Variants in ANKRD44 observed in about 807,000 individuals in gnomAD.
ANKRD44 encodes serine/threonine-protein phosphatase 6 regulatory ankyrin repeat subunit B.
Under a neutral mutation model 116.0 loss-of-function variants are expected in ANKRD44, and 35 were observed. The observed-to-expected ratio is 0.30, with a 90% CI of 0.23 to 0.40. The LOEUF is 0.40. Ranked by LOEUF, ANKRD44 falls within the 10% of genes least tolerant of loss-of-function variation. The probability of loss-of-function intolerance (pLI) is 1.00; values close to 1 mark genes in which losing one functional copy is unlikely to be tolerated. For synonymous variants in ANKRD44, 435 were observed against 461.8 expected, an observed-to-expected ratio of 0.94 and a Z score of 0.74; for missense variants, 1,014 against 1,242.6, an observed-to-expected ratio of 0.82 and a Z score of 2.77.
At chr2:197,087,079 G>A (rs753678086) in intron 12 of ANKRD44, among the ~76,000 whole-genome samples, 35 of 152,004 alleles carry the variant, frequency 2.3e-4, no homozygotes, top group Non-Finnish European at 2.9e-4. Flanking sequence ...TTCCAAAACC[G>A]TCAAGAGTTT....
Position 197,139,846 on chromosome 2 carries a change from TTTTGTG to T in ANKRD44, c.191-3190_191-3185del, listed in dbSNP as rs1482047934. 2.0e-4 allele frequency among the ~76,000 whole-genome samples: 23 copies of T among 117,044 alleles called. No homozygotes were observed. The Admixed American group carries it at 2.3e-3, about 12-fold the overall frequency. The allele number at this position is 117,044 out of a possible 152,430, so 76.8% of individuals were successfully genotyped here. ...AATGGGGGAGGGGGGACTAAGCTGC[TTTTGTG>T]TGTGTGTGTGTGTGTGTGTGTGTGT... is the stretch of plus-strand genomic sequence containing the variant. On this transcript the variant is annotated intron_variant, in intron 3 of 27. Transcript: ENST00000282272.
chr2:197,107,837 C>T (rs1559068497), intron 9 of ANKRD44, among the ~76,000 whole-genome samples: 2 of 152,118 alleles, frequency 1.3e-5, no homozygotes, highest in Non-Finnish European at 1.5e-5. Context: ...CAGCAACAGC[C>T]CAAGATTCTT....
intron 15 of ANKRD44, among the ~76,000 whole-genome samples, chr2:197,079,989 C>G (rs947608300): frequency 6.6e-6 from 1 of 152,164 alleles, no homozygotes; most frequent in Non-Finnish European, 1.5e-5. Context: ...CTATTATTCT[C>G]TCTTCGGTCA....
intron 1 of ANKRD44, among the ~76,000 whole-genome samples, chr2:197,239,222 C>A (rs1013087283): frequency 2.0e-5 from 3 of 152,142 alleles, no homozygotes; most frequent in Non-Finnish European, 4.4e-5. Context: ...AAAGGCATAA[C>A]TGGCCAAAAG....
chr2:197,058,659 A>G (rs1247042934), intron 16 of ANKRD44, among the ~76,000 whole-genome samples: 1 of 152,196 alleles, frequency 6.6e-6, no homozygotes, highest in Non-Finnish European at 1.5e-5. Flanking sequence ...AATCACTACT[A>G]CAAGTCTGTA....
chr2:197,065,212 A>C (rs1333851270), intron 16 of ANKRD44, among the ~76,000 whole-genome samples: 3 of 152,248 alleles, frequency 2.0e-5, no homozygotes, highest in African/African-American at 7.2e-5. Context: ...TACTGGGTAC[A>C]TAACGAAATG....
At chr2:197,137,854 C>T (rs1309324760) in intron 3 of ANKRD44, among the ~76,000 whole-genome samples, 3 of 152,122 alleles carry the variant, frequency 2.0e-5, no homozygotes, top group Non-Finnish European at 2.9e-5. Context: ...CCACTAACAC[C>T]AGCTTGCCTG....
chr2:197,194,744 A>G (rs549156493), intron 1 of ANKRD44, among the ~76,000 whole-genome samples: 1 of 152,330 alleles, frequency 6.6e-6, no homozygotes, highest in African/African-American at 2.4e-5. Flanking sequence ...ATAGATAGAT[A>G]GATAGATATA....
intron 1 of ANKRD44, among the ~76,000 whole-genome samples, chr2:197,277,019 C>T (rs981272794): frequency 1.3e-5 from 2 of 151,642 alleles, no homozygotes; most frequent in Non-Finnish European, 2.9e-5. Flanking sequence ...GCTCTGCCTC[C>T]CACGTTCACG....
intron 21 of ANKRD44, among the ~76,000 whole-genome samples, chr2:196,968,014 G>T (rs1453675176): frequency 2.0e-5 from 3 of 151,788 alleles, no homozygotes; most frequent in African/African-American, 7.3e-5. Context: ...AGCTTCCTGA[G>T]GCTTCCCTAG....
At chr2:197,231,660 C>T (rs549452217) in intron 1 of ANKRD44, among the ~76,000 whole-genome samples, 2 of 151,570 alleles carry the variant, frequency 1.3e-5, no homozygotes, top group Admixed American at 1.3e-4. Flanking sequence ...GGCAGAGGCC[C>T]GGGATGCTGC....
At chr2:197,241,708 G>A (rs1302356801) in intron 1 of ANKRD44, among the ~76,000 whole-genome samples, 1 of 151,986 alleles carries the variant, frequency 6.6e-6, no homozygotes, top group Non-Finnish European at 1.5e-5. Context: ...AAGAAGTAGA[G>A]GTACTTATTG....
intron 9 of ANKRD44, among the ~76,000 whole-genome samples, chr2:197,104,464 GACCCTTGATAC>G (rs2078378496): frequency 6.6e-6 from 1 of 152,120 alleles, no homozygotes; most frequent in African/African-American, 2.4e-5. Flanking sequence ...AAAGTATGGA[GACCCTTGATAC>G]ACACCAGCAA....
intron 1 of ANKRD44, among the ~76,000 whole-genome samples, chr2:197,306,902 C>T (rs1309922991): frequency 6.6e-6 from 1 of 152,186 alleles, no homozygotes; most frequent in East Asian, 1.9e-4. Context: ...TGTCTGCAGG[C>T]AGCCTCCGAG....
chr2:197,136,127 C>A, intron 4 of ANKRD44: 1 of 175,738 alleles, frequency 5.7e-6, no homozygotes, highest in East Asian at 1.6e-4. Context: ...AGCCTGAGTT[C>A]CAGTTATACC....
chr2:197,159,999 T>C (rs2079918706), intron 2 of ANKRD44, among the ~76,000 whole-genome samples: 1 of 152,168 alleles, frequency 6.6e-6, no homozygotes, highest in African/African-American at 2.4e-5. Context: ...TACCCAAATC[T>C]TCCTTTCTTA....
At chr2:197,096,281 G>A (rs955758536) in intron 10 of ANKRD44, among the ~76,000 whole-genome samples, 1 of 152,116 alleles carries the variant, frequency 6.6e-6, no homozygotes, top group Non-Finnish European at 1.5e-5. Flanking sequence ...GTACCACTTA[G>A]GCCCTCAACC....
At chr2:197,255,525 A>G (rs2082424401) in intron 1 of ANKRD44, among the ~76,000 whole-genome samples, 1 of 152,280 alleles carries the variant, frequency 6.6e-6, no homozygotes, top group Admixed American at 6.5e-5. Context: ...TCTAGCAAGA[A>G]GGAATAAACC....
At chr2:196,984,540 G>A (rs578236333), downstream of ANKRD44, among the ~76,000 whole-genome samples, 3 of 152,290 alleles carry the variant, frequency 2.0e-5, no homozygotes, top group South Asian at 6.2e-4. Flanking sequence ...AACACATTAA[G>A]TGTGTTAAGT....
Sources: gnomAD v4.1 joint callset for allele counts (sites outside exome capture counted in the v4.1 genomes callset) on GRCh38, gnomAD v4.1.1 for gene constraint, MANE v1.5 for transcripts, NCBI Gene and HGNC (gene_info 2026-07-23, HGNC 2026-07-21) for gene names.